The following ITFG1 variants were observed in gnomAD, a reference collection of about 807,000 sequenced individuals.
ITFG1 encodes T-cell immunomodulatory protein.
In ITFG1, 34 loss-of-function variants were observed where a neutral mutation model predicts 81.8. The ratio of observed to expected loss-of-function variants is 0.42; its 90% CI spans 0.32 to 0.55. The LOEUF (loss-of-function observed/expected upper bound fraction) is 0.55. ITFG1 is among the 20% of genes least tolerant of loss of function. ITFG1 has a pLI of 0.17. For missense variants in ITFG1, 672 were observed against 755.4 expected, an observed-to-expected ratio of 0.89 and a Z score of 1.29; for synonymous variants, 285 against 270.6, an observed-to-expected ratio of 1.05 and a Z score of -0.52.
chr16:47,157,259 A>C (rs1320389786), intron 17 of ITFG1, among the ~76,000 whole-genome samples: 2 of 152,122 alleles, frequency 1.3e-5, no homozygotes, highest in African/African-American at 4.8e-5. Flanking sequence ...TTTTAGATGA[A>C]ATTGGCAGGG....
In ITFG1 at chr16:47,382,059, ATTG is replaced by A. The variant is rs571725922; in HGVS notation, c.656-6122_656-6120del. The stretch of plus-strand genomic sequence containing the variant: ...GGACAGAATTAATTAGCTCCAGACA[ATTG>A]TTGTTGTTACAGAAATATGATTTTT... On this transcript the variant is annotated intron_variant, in intron 6 of 17. Coordinates refer to ENST00000320640, the MANE Select transcript of ITFG1 (RefSeq NM_030790.5). Among the ~76,000 whole-genome samples, 247 of 152,352 alleles carry A rather than the reference ATTG, an allele frequency of 1.6e-3. 1 individual carries two copies. The highest frequency in any genetic ancestry group is 5.7e-3 in the African/African-American group (236 of 41,584).
chr16:47,283,516 T>C (rs1966858624), intron 10 of ITFG1, among the ~76,000 whole-genome samples: 1 of 152,150 alleles, frequency 6.6e-6, no homozygotes, highest in Admixed American at 6.5e-5. Flanking sequence ...TGGTTTTGTT[T>C]CTCTGCAGAA....
intron 7 of ITFG1, 134 bp downstream of exon 7, chr16:47,375,742 G>T: frequency 1.5e-6 from 1 of 674,494 alleles, no homozygotes. Flanking sequence ...ATGCAGCAAT[G>T]CAACCAAAGG....
intron 8 of ITFG1, among the ~76,000 whole-genome samples, chr16:47,356,090 A>G (rs1412687236): frequency 6.6e-6 from 1 of 152,164 alleles, no homozygotes; most frequent in Non-Finnish European, 1.5e-5. Context: ...GACAGAGCCA[A>G]AGATCATGTC....
At position 47,318,971 on chromosome 16, in the gene ITFG1, C is replaced by T. The variant is rs73541021; in HGVS notation, c.803-5148G>A. On this transcript the variant is annotated intron_variant, in intron 8 of 17. Transcript: ENST00000320640. ...AAACTCAACAAGTAATTTTTTTTAA[C>T]GGTTATTTGCAATGAGGAATCTAAA... Among the ~76,000 whole-genome samples the T allele has an allele frequency of 8.2e-4, 124 of 152,052 alleles. 1 individual carries two copies. The highest frequency in any genetic ancestry group is 2.4e-3 in the African/African-American group (98 of 41,486).
chr16:47,217,740 C>T (rs1287759022), intron 14 of ITFG1, among the ~76,000 whole-genome samples: 2 of 152,096 alleles, frequency 1.3e-5, no homozygotes, highest in African/African-American at 4.8e-5. Context: ...CTGGCTAACA[C>T]AGGTGAAACC....
At chr16:47,425,468 C>T (rs1023294582) in intron 6 of ITFG1, among the ~76,000 whole-genome samples, 1 of 152,130 alleles carries the variant, frequency 6.6e-6, no homozygotes, top group Admixed American at 6.5e-5. Flanking sequence ...TCCAACCAGT[C>T]CCAATGCAAT....
chr16:47,413,346 A>G (rs1681578320), intron 6 of ITFG1, among the ~76,000 whole-genome samples: 1 of 152,210 alleles, frequency 6.6e-6, no homozygotes, highest in African/African-American at 2.4e-5. Flanking sequence ...GCCTTACAAG[A>G]GTTCTTTAAG....
In ITFG1 at chr16:47,362,694, C is replaced by T. The variant is rs59482046; in HGVS notation, c.802+3094G>A. On this transcript the variant is annotated intron_variant, in intron 8 of 17. Coordinates refer to ENST00000320640, the MANE Select transcript of ITFG1 (RefSeq NM_030790.5). Reference sequence around the variant, plus strand: ...ACCACTTCCATGAGGCTTTTGTACCCTTTCTCAGCTTAGGATAATCTATGT... The same window carrying T: ...ACCACTTCCATGAGGCTTTTGTACCTTTTCTCAGCTTAGGATAATCTATGT... Among the ~76,000 whole-genome samples the T allele has an allele frequency of 2.0e-4, 31 of 152,288 alleles. No individual in the cohort carries two copies. In the East Asian group the frequency reaches 6.0e-3, roughly 29 times the overall value.
intron 5 of ITFG1, among the ~76,000 whole-genome samples, chr16:47,435,456 C>T (rs1329023228): frequency 2.6e-5 from 4 of 152,116 alleles, no homozygotes; most frequent in East Asian, 1.9e-4. Context: ...TAGCTTTTCC[C>T]GCACAAGAAA....
Position 47,155,917 on chromosome 16 carries a change from C to T in ITFG1, c.1780-139G>A. The stretch of plus-strand genomic sequence containing the variant: ...AGATATGATTTCCTAATTCAACAGT[C>T]CTAGTATTTTTGTAGTTTATAGTAG... On this transcript the variant is annotated intron_variant, in intron 17 of 17. Coordinates refer to ENST00000320640, the MANE Select transcript of ITFG1 (RefSeq NM_030790.5). 3 of 556,892 alleles carry T rather than the reference C, an allele frequency of 5.4e-6. No individual in the cohort carries two copies. In the South Asian group the frequency reaches 7.7e-5, roughly 14 times the overall value. 34.5% of individuals were successfully genotyped at this position (556,892 alleles called of 1,614,324 possible). A position where few individuals can be genotyped will look rare whatever the true frequency, so the allele number is the denominator to read the frequency against.
At position 47,260,598 on chromosome 16, in the gene ITFG1, G is replaced by A. The variant is rs767153840; in HGVS notation, c.1168C>T (p.Leu390=). The change falls in exon 11 of 18, where the codon CTA becomes TTA. Residue 390 remains leucine (L), a synonymous_variant. Transcript: ENST00000320640. The stretch of plus-strand genomic sequence containing the variant: ...ACCATGGCATCCTTAATTTGATTTA[G>A]GTCTGTCAGCTCCCAGTAGACTTTA... ...MFKVYWELTD[L]NQIKDAMVAT... 8.1e-6 allele frequency: 13 copies of A among 1,614,112 alleles called. No homozygotes were observed. The Admixed American group carries it at 1.0e-4, about 12-fold the overall frequency.
rs1365367543 is a variant in ITFG1 at position 47,301,532 on chromosome 16, GA to G, written c.1070+9707del. Among the ~76,000 whole-genome samples the G allele has an allele frequency of 5.3e-5, 8 of 151,986 alleles. No homozygotes were observed. The East Asian group carries it at 1.5e-3, about 29-fold the overall frequency. On this transcript the variant is annotated intron_variant, in intron 10 of 17. Coordinates refer to ENST00000320640, the MANE Select transcript of ITFG1 (RefSeq NM_030790.5). ...CTGCCTCAGCCTCCCGAGTAGGTGG[GA>G]CTACAGGCGCCTGCCACCATGCCAG...
chr16:47,181,184 G>C lies in ITFG1; in HGVS notation c.1454-18520C>G, dbSNP rs1233019046. ...TGGGATGTGAGGAGCGCCTCTGCCCGGCCGCCCCATCTGAGAAGTGAGGAG... is the reference window on the plus strand; with the variant it reads ...TGGGATGTGAGGAGCGCCTCTGCCCCGCCGCCCCATCTGAGAAGTGAGGAG... On this transcript the variant is annotated intron_variant, in intron 14 of 17. Transcript: ENST00000320640. Among the ~76,000 whole-genome samples, 7 of 150,506 alleles carry C rather than the reference G, an allele frequency of 4.7e-5. No homozygotes were observed. In the East Asian group the frequency reaches 1.4e-3, roughly 30 times the overall value.
chr16:47,311,111 T>C (rs989245826), intron 10 of ITFG1, 129 bp downstream of exon 10: 15 of 563,546 alleles, frequency 2.7e-5, no homozygotes, highest in African/African-American at 2.4e-4. Flanking sequence ...AAACAGGAAC[T>C]GAGCTCACCA....
At chr16:47,330,479 A>C (rs1596901564) in intron 8 of ITFG1, among the ~76,000 whole-genome samples, 1 of 152,142 alleles carries the variant, frequency 6.6e-6, no homozygotes, top group East Asian at 1.9e-4. Flanking sequence ...TGCATAGCCA[A>C]GAAACAAATA....
rs112582548 is a variant in ITFG1 at position 47,438,082 on chromosome 16, C to T, written c.561-9184G>A. On this transcript the variant is annotated intron_variant, in intron 5 of 17. Coordinates refer to ENST00000320640, the MANE Select transcript of ITFG1 (RefSeq NM_030790.5). ...TCCTATGCCCACAAAGCCTCACTCA[C>T]TGCTAGCACAGCAGTCTGAGATCAA... 5.4e-4 allele frequency among the ~76,000 whole-genome samples: 83 copies of T among 152,328 alleles called. 2 individuals carry two copies. The highest frequency in any genetic ancestry group is 1.8e-3 in the African/African-American group (76 of 41,576).
chr16:47,391,188 G>A (rs1174739472), intron 6 of ITFG1, among the ~76,000 whole-genome samples: 1 of 151,922 alleles, frequency 6.6e-6, no homozygotes, highest in African/African-American at 2.4e-5. Flanking sequence ...GGTTACTCAG[G>A]GAAATATGTT....
chr16:47,269,767 C>A (rs983780727), intron 10 of ITFG1, among the ~76,000 whole-genome samples: 1 of 152,020 alleles, frequency 6.6e-6, no homozygotes, highest in Non-Finnish European at 1.5e-5. Flanking sequence ...ATTTGTATTT[C>A]TTTTGCAGAA....
Sources: allele counts gnomAD v4.1 joint callset (sites outside exome capture counted in the v4.1 genomes callset), GRCh38; gene constraint gnomAD v4.1.1; transcripts MANE v1.5; gene names NCBI Gene and HGNC (gene_info 2026-07-23, HGNC 2026-07-21).